Variants in ANKRD36C observed in about 807,000 individuals in gnomAD.
The protein encoded by ANKRD36C is ankyrin repeat domain 36C.
Under a neutral mutation model 276.4 loss-of-function variants are expected in ANKRD36C, and 61 were observed. The observed-to-expected ratio is 0.22, with a 90% CI of 0.18 to 0.27. The LOEUF is 0.27. ANKRD36C is among the 10% of genes least tolerant of loss of function. The pLI, the probability that ANKRD36C is intolerant of heterozygous loss-of-function variation, is 1.00. For synonymous variants in ANKRD36C, 483 were observed against 680.1 expected (o/e 0.71, Z 4.51); for missense variants, 1,447 against 2,032.3 (o/e 0.71, Z 5.54).
chr2:95,885,552 T>C (rs1468232684), intron 52 of ANKRD36C, among the ~76,000 whole-genome samples: 2 of 151,752 alleles, frequency 1.3e-5, no homozygotes, highest in African/African-American at 2.4e-5. Flanking sequence ...ATTACATAAA[T>C]AACTTCTTCT....
In ANKRD36C at chr2:95,853,956, A is replaced by G. The variant is rs1041161625; in HGVS notation, c.4996-95T>C. Reference sequence around the variant, plus strand: ...CTCTAAAGCATACGCTTTGAAAAATATCACCACACAGACCGATTCACCTTC... The same window carrying G: ...CTCTAAAGCATACGCTTTGAAAAATGTCACCACACAGACCGATTCACCTTC... On this transcript the variant is annotated intron_variant, in intron 63 of 66. Transcript: ENST00000456556. 11 of 1,454,286 alleles carry G rather than the reference A, an allele frequency of 7.6e-6. No individual in the cohort carries two copies. In the African/African-American group the frequency reaches 1.3e-4, roughly 17 times the overall value. The allele number at this position is 1,454,286 out of a possible 1,614,324, so 90.1% of individuals were successfully genotyped here.
chr2:95,854,758 A>G (rs1350094109), intron 63 of ANKRD36C, among the ~76,000 whole-genome samples: 2 of 152,180 alleles, frequency 1.3e-5, no homozygotes, highest in African/African-American at 2.4e-5. Flanking sequence ...TTTAAGTCAA[A>G]TTGACATGAA....
chr2:95,861,417 T>C (rs1250516680), intron 60 of ANKRD36C, among the ~76,000 whole-genome samples: 3 of 150,626 alleles, frequency 2.0e-5, no homozygotes, highest in Admixed American at 6.7e-5. Flanking sequence ...CCAAAAATAT[T>C]GTAACCTTAA....
chr2:95,913,518 C>T (rs1421305034), intron 40 of ANKRD36C, among the ~76,000 whole-genome samples: 1 of 151,350 alleles, frequency 6.6e-6, no homozygotes, highest in Non-Finnish European at 1.5e-5. Context: ...TCCAGTAGTT[C>T]CTGGAGCAGC....
chr2:95,923,410 T>C (rs369868700), intron 32 of ANKRD36C, 85 bp downstream of exon 32: 34 of 1,518,362 alleles, frequency 2.2e-5, no homozygotes, highest in Non-Finnish European at 2.7e-5. Context: ...GCAGCTTTGA[T>C]GAGCCCCCCG....
chr2:95,926,246 T>G (rs1173011862), intron 28 of ANKRD36C, among the ~76,000 whole-genome samples: 1 of 151,604 alleles, frequency 6.6e-6, no homozygotes, highest in Non-Finnish European at 1.5e-5. Flanking sequence ...AAAAGTATAA[T>G]AAATGATCAA....
At chr2:95,902,841 A>C (rs1205326710) in intron 42 of ANKRD36C, 45 bp downstream of exon 54, 2 of 1,518,396 alleles carry the variant, frequency 1.3e-6, no homozygotes, top group Admixed American at 4.1e-5. Flanking sequence ...AGAATTTCTT[A>C]TCTATCTGGA....
chr2:95,861,681 G>A (rs1675586521), intron 60 of ANKRD36C, among the ~76,000 whole-genome samples: 1 of 151,802 alleles, frequency 6.6e-6, no homozygotes, highest in South Asian at 2.1e-4. Flanking sequence ...GGAAAAGAAG[G>A]GGAACACAGA....
At chr2:95,973,926 T>C (rs1405453863) in intron 6 of ANKRD36C, among the ~76,000 whole-genome samples, 1 of 151,912 alleles carries the variant, frequency 6.6e-6, no homozygotes, top group East Asian at 1.9e-4. Flanking sequence ...CATATGCTTG[T>C]AGCAGTATCA....
chr2:95,936,997 T>A (rs1677737306), intron 22 of ANKRD36C, among the ~76,000 whole-genome samples: 1 of 152,306 alleles, frequency 6.6e-6, no homozygotes, highest in African/African-American at 2.4e-5. Flanking sequence ...TCTTTACGGC[T>A]TTATTTTACA....
chr2:95,988,150 C>CAAA (rs201835162), intron 1 of ANKRD36C, among the ~76,000 whole-genome samples: 3 of 105,436 alleles, frequency 2.8e-5, no homozygotes, highest in Admixed American at 9.1e-5. Context: ...AAAAAGAAGG[C>CAAA]AAAAAAAAAA....
At chr2:95,973,843 A>G (rs1181860046) in intron 6 of ANKRD36C, among the ~76,000 whole-genome samples, 1 of 152,128 alleles carries the variant, frequency 6.6e-6, no homozygotes, top group Non-Finnish European at 1.5e-5. Flanking sequence ...AAAGTTTGAG[A>G]CTGGCCTGGG....
chr2:95,850,942 T>C (rs567822161), downstream of ANKRD36C, among the ~76,000 whole-genome samples: 1 of 152,324 alleles, frequency 6.6e-6, no homozygotes, highest in African/African-American at 2.4e-5. Context: ...CACAGACTTC[T>C]TGCGATTTTT....
At chr2:95,895,101 T>C (rs1172415827) in intron 44 of ANKRD36C, among the ~76,000 whole-genome samples, 2 of 147,056 alleles carry the variant, frequency 1.4e-5, no homozygotes, top group Non-Finnish European at 3.0e-5. Context: ...ACACCCTTAA[T>C]GAAAAGATGC....
At chr2:95,934,277 C>T (rs113809410) in intron 24 of ANKRD36C, among the ~76,000 whole-genome samples, 1 of 151,998 alleles carries the variant, frequency 6.6e-6, no homozygotes, top group African/African-American at 2.4e-5. Context: ...GATTAAAAAT[C>T]ATTCTACTAT....
At chr2:95,957,879 G>C (rs1198828942) in intron 12 of ANKRD36C, among the ~76,000 whole-genome samples, 2 of 152,120 alleles carry the variant, frequency 1.3e-5, no homozygotes, top group Non-Finnish European at 2.9e-5. Flanking sequence ...TATCTCATTT[G>C]ACTAACTGAT....
intron 60 of ANKRD36C, among the ~76,000 whole-genome samples, chr2:95,860,301 A>T (rs538530215): frequency 6.6e-6 from 1 of 152,102 alleles, no homozygotes; most frequent in African/African-American, 2.4e-5. Flanking sequence ...GGTGACAGTT[A>T]TAAACTCAGA....
intron 13 of ANKRD36C, 59 bp downstream of exon 13, chr2:95,956,727 T>C: frequency 1.4e-6 from 2 of 1,464,006 alleles, no homozygotes; most frequent in South Asian, 1.2e-5. Flanking sequence ...GGGCACTAGT[T>C]TCTATTCTCT....
intron 60 of ANKRD36C, among the ~76,000 whole-genome samples, chr2:95,866,125 T>C (rs1310423992): frequency 3.3e-5 from 5 of 151,974 alleles, no homozygotes; most frequent in South Asian, 2.1e-4. Flanking sequence ...CCTCACTCCA[T>C]AGACAAAAGG....
Sources: gnomAD v4.1 joint callset for allele counts (sites outside exome capture counted in the v4.1 genomes callset) on GRCh38, gnomAD v4.1.1 for gene constraint, MANE v1.5 for transcripts, NCBI Gene and HGNC (gene_info 2026-07-23, HGNC 2026-07-21) for gene names.